Variants in ERC2 observed in about 807,000 individuals in gnomAD.
ERC2 encodes the protein ELKS/RAB6-interacting/CAST family member 2.
ERC2 carries 42 observed loss-of-function variants against 114.8 expected under a neutral mutation model. The observed-to-expected ratio is 0.37, with a 90% confidence interval of 0.29 to 0.47. ERC2 has a LOEUF of 0.47. Among genes scored for constraint, ERC2 ranks in the 20% least tolerant of loss-of-function variants. ERC2 has a pLI of 0.99. For missense variants in ERC2, 939 were observed against 1,150.7 expected, an observed-to-expected ratio of 0.82 and a Z score of 2.66; for synonymous variants, 454 against 425.5, an observed-to-expected ratio of 1.07 and a Z score of -0.82.
At chr3:55,539,105 G>C (rs189699816) in intron 17 of ERC2, among the ~76,000 whole-genome samples, 7 of 152,206 alleles carry the variant, frequency 4.6e-5, no homozygotes, top group African/African-American at 1.7e-4. Flanking sequence ...CTGATAATAA[G>C]AGAGAAAAAC....
intron 2 of ERC2, among the ~76,000 whole-genome samples, chr3:56,395,056 G>C (rs75395903): frequency 6.8e-6 from 1 of 147,842 alleles, no homozygotes; most frequent in African/African-American, 2.5e-5. Context: ...AAAAAAAAAA[G>C]TTGCAAAAAA....
In ERC2 at chr3:56,196,370, G is replaced by A. The variant is rs1276793060; in HGVS notation, c.1075-22850C>T. ...CTTGAGAGGAAAAGCACTAGAATAG[G>A]TAAATTTAAGTATATTAAAAATACA... On this transcript the variant is annotated intron_variant, in intron 3 of 17. Coordinates refer to ENST00000288221, the MANE Select transcript of ERC2 (RefSeq NM_015576.3). Among the ~76,000 whole-genome samples, 3 of 152,170 alleles carry A rather than the reference G, an allele frequency of 2.0e-5. No homozygotes were observed. The East Asian group carries it at 5.8e-4, about 29-fold the overall frequency.
chr3:56,104,925 A>G (rs9811789), intron 6 of ERC2, among the ~76,000 whole-genome samples: 26,047 of 152,020 alleles, frequency 0.17, 2,432 homozygotes, highest in African/African-American at 0.23. Flanking sequence ...TCATAGAGCA[A>G]GCCTGGGGAA....
At chr3:55,835,735 G>T (rs1245216320) in intron 14 of ERC2, among the ~76,000 whole-genome samples, 2 of 152,180 alleles carry the variant, frequency 1.3e-5, no homozygotes, top group African/African-American at 4.8e-5. Context: ...TCAGTATAGT[G>T]TTGGAAGTTC....
At chr3:55,958,762 A>G (rs552879732) in intron 12 of ERC2, among the ~76,000 whole-genome samples, 38 of 152,326 alleles carry the variant, frequency 2.5e-4, no homozygotes, top group African/African-American at 7.9e-4. Context: ...CTTGGCCACA[A>G]CTTTGCTCCA....
Position 56,139,490 on chromosome 3 carries a change from T to A in ERC2, c.1473+19A>T, listed in dbSNP as rs1215758038. On this transcript the variant is annotated intron_variant, in intron 6 of 17. Coordinates refer to ENST00000288221, the MANE Select transcript of ERC2 (RefSeq NM_015576.3). ...AATTCAATGTCTCTGCTGTCTAGAA[T>A]CCTGAGAGAGTGCCTTACCTCAGTC... 3 of 1,601,726 alleles carry A rather than the reference T, an allele frequency of 1.9e-6. No individual in the cohort carries two copies. Among genetic ancestry groups the A allele is most frequent in the South Asian group, 2.2e-5 (2 of 89,776 alleles).
intron 17 of ERC2, among the ~76,000 whole-genome samples, chr3:55,615,431 C>G: frequency 6.6e-6 from 1 of 152,182 alleles, no homozygotes; most frequent in South Asian, 2.1e-4. Flanking sequence ...CCATTGCCCA[C>G]TGCACAGCCC....
At chr3:55,974,112 C>T (rs2069392556) in intron 12 of ERC2, among the ~76,000 whole-genome samples, 1 of 152,118 alleles carries the variant, frequency 6.6e-6, no homozygotes, top group Non-Finnish European at 1.5e-5. Flanking sequence ...ACAAAGTAAT[C>T]TCAGCTTAAA....
At chr3:55,549,371 C>T (rs2054984804) in intron 17 of ERC2, among the ~76,000 whole-genome samples, 1 of 152,072 alleles carries the variant, frequency 6.6e-6, no homozygotes, top group Admixed American at 6.6e-5. Flanking sequence ...ACTGGGGACC[C>T]TGAGGCCTAA....
At chr3:56,228,389 C>A (rs1560419806) in intron 3 of ERC2, among the ~76,000 whole-genome samples, 2 of 152,192 alleles carry the variant, frequency 1.3e-5, no homozygotes, top group Admixed American at 6.5e-5. Flanking sequence ...CAGCTATTGG[C>A]AACCATCATT....
intron 13 of ERC2, among the ~76,000 whole-genome samples, chr3:55,897,826 G>A (rs2063916309): frequency 6.6e-6 from 1 of 152,080 alleles, no homozygotes; most frequent in Admixed American, 6.5e-5. Flanking sequence ...TTTGGAAAAG[G>A]TTGAAACTGA....
chr3:56,288,428 C>A (rs954090541), intron 3 of ERC2, among the ~76,000 whole-genome samples: 5 of 152,174 alleles, frequency 3.3e-5, no homozygotes, highest in Admixed American at 2.0e-4. Flanking sequence ...AACCCTGTCA[C>A]TTTCTTTTCT....
intron 2 of ERC2, 116 bp from the exon 3 acceptor site, chr3:56,296,551 G>T: frequency 8.9e-7 from 1 of 1,123,610 alleles, no homozygotes; most frequent in South Asian, 1.6e-5. Context: ...CATGAGGTCC[G>T]GAGGGCCAGC....
At chr3:55,600,139 G>A (rs896356351) in intron 17 of ERC2, among the ~76,000 whole-genome samples, 2 of 152,170 alleles carry the variant, frequency 1.3e-5, no homozygotes, top group African/African-American at 4.8e-5. Context: ...AGAATATAGA[G>A]ATGTAATCTG....
At chr3:56,362,796 G>GGAC (rs966025340) in intron 2 of ERC2, among the ~76,000 whole-genome samples, 1 of 152,184 alleles carries the variant, frequency 6.6e-6, no homozygotes, top group Non-Finnish European at 1.5e-5. Context: ...GAGCAGAGAG[G>GGAC]GACCTTGTTC....
At chr3:56,111,129 G>A (rs556039612) in intron 6 of ERC2, among the ~76,000 whole-genome samples, 1 of 152,196 alleles carries the variant, frequency 6.6e-6, no homozygotes, top group East Asian at 1.9e-4. Flanking sequence ...ATGTGTCCTG[G>A]TGTGTCCCTG....
chr3:56,287,427 C>G (rs531023432), intron 3 of ERC2, among the ~76,000 whole-genome samples: 46 of 152,112 alleles, frequency 3.0e-4, no homozygotes, highest in Non-Finnish European at 5.6e-4. Flanking sequence ...TTATGGAGGG[C>G]CAGGTGCTTT....
chr3:56,282,959 T>C (rs2054448605), intron 3 of ERC2, among the ~76,000 whole-genome samples: 1 of 152,212 alleles, frequency 6.6e-6, no homozygotes, highest in Non-Finnish European at 1.5e-5. Flanking sequence ...GAAGAAAAGA[T>C]AATGAGTTAT....
chr3:55,888,653 A>T (rs1332308640), intron 13 of ERC2, 104 bp from the exon 14 acceptor site: 1 of 1,379,524 alleles, frequency 7.2e-7, no homozygotes, highest in Non-Finnish European at 1.0e-6. Context: ...AATCACAGGG[A>T]TCCTTGAACT....
Sources: allele counts gnomAD v4.1 joint callset (sites outside exome capture counted in the v4.1 genomes callset), GRCh38; gene constraint gnomAD v4.1.1; transcripts MANE v1.5; gene names NCBI Gene and HGNC (gene_info 2026-07-23, HGNC 2026-07-21).